AUTS2: variants seen among roughly 807,000 people sequenced by gnomAD.
AUTS2 encodes the protein activator of transcription and developmental regulator AUTS2, also known as autism susceptibility gene 2 protein.
A neutral mutation model predicts 112.4 loss-of-function variants in AUTS2; 17 were observed. The observed-to-expected ratio is 0.15, with a 90% CI of 0.10 to 0.23. The LOEUF (loss-of-function observed/expected upper bound fraction) is 0.23, where lower values mean the gene tolerates loss of function less well. Ranked by LOEUF, AUTS2 falls within the 10% of genes least tolerant of loss-of-function variation. The probability of loss-of-function intolerance (pLI) is 1.00; values close to 1 mark genes in which losing one functional copy is unlikely to be tolerated. For synonymous variants in AUTS2, 751 were observed against 702.7 expected (o/e 1.07, Z -1.09); for missense variants, 1,510 against 1,701.6 (o/e 0.89, Z 1.98).
chr7:70,512,890 TG>T (rs968652445), intron 5 of AUTS2, among the ~76,000 whole-genome samples: 1 of 149,388 alleles, frequency 6.7e-6, no homozygotes, highest in African/African-American at 2.5e-5. Context: ...GAGTGAAGTG[TG>T]GGGGGGCAGT....
At chr7:70,091,472 T>A (rs1584707841) in intron 2 of AUTS2, among the ~76,000 whole-genome samples, 1 of 151,978 alleles carries the variant, frequency 6.6e-6, no homozygotes, top group Non-Finnish European at 1.5e-5. Context: ...GTCCTATAAA[T>A]TTTTTTTAAT....
Position 70,341,146 on chromosome 7 carries a change from C to T in AUTS2, c.661-94606C>T, listed in dbSNP as rs527989259. Among the ~76,000 whole-genome samples the T allele has an allele frequency of 3.9e-5, 6 of 152,330 alleles. No homozygotes were observed. The East Asian group carries it at 1.2e-3, about 29-fold the overall frequency. Reference sequence around the variant, plus strand: ...TAGCTCTTCATTATTCTCATTCTGTCAGCTTCCCAATAAATGCTACAACCC... The same window carrying T: ...TAGCTCTTCATTATTCTCATTCTGTTAGCTTCCCAATAAATGCTACAACCC... On this transcript the variant is annotated intron_variant, in intron 4 of 18. Transcript: ENST00000342771.
chr7:69,794,427 G>A (rs1789749377), intron 1 of AUTS2, among the ~76,000 whole-genome samples: 2 of 152,170 alleles, frequency 1.3e-5, no homozygotes, highest in African/African-American at 2.4e-5. Context: ...AATACTGGGG[G>A]CAGATGTTTG....
intron 6 of AUTS2, among the ~76,000 whole-genome samples, chr7:70,712,944 C>A (rs1810141294): frequency 6.6e-6 from 1 of 152,194 alleles, no homozygotes; most frequent in African/African-American, 2.4e-5. Context: ...ATCAACTTCA[C>A]CTGATCTGTT....
chr7:70,724,590 C>T (rs757073398), intron 6 of AUTS2, among the ~76,000 whole-genome samples: 10 of 151,948 alleles, frequency 6.6e-5, no homozygotes, highest in Admixed American at 2.0e-4. Context: ...TGACTACAGG[C>T]GTCTACCACC....
At chr7:69,754,960 T>G (rs1787888564) in intron 1 of AUTS2, among the ~76,000 whole-genome samples, 2 of 152,218 alleles carry the variant, frequency 1.3e-5, no homozygotes, top group South Asian at 4.1e-4. Context: ...CCTCATGTAG[T>G]GATTTTGCAT....
chr7:69,860,023 C>T (rs1318753818), intron 1 of AUTS2, among the ~76,000 whole-genome samples: 1 of 152,014 alleles, frequency 6.6e-6, no homozygotes, highest in Non-Finnish European at 1.5e-5. Context: ...GGACATTATA[C>T]CTGCCTGACA....
At chr7:70,332,168 A>G (rs1269165554) in intron 4 of AUTS2, among the ~76,000 whole-genome samples, 1 of 152,200 alleles carries the variant, frequency 6.6e-6, no homozygotes, top group Non-Finnish European at 1.5e-5. Context: ...TACACCAATA[A>G]TAGACAAACA....
At chr7:69,719,073 C>T (rs1037129051) in intron 1 of AUTS2, among the ~76,000 whole-genome samples, 1 of 152,210 alleles carries the variant, frequency 6.6e-6, no homozygotes, top group African/African-American at 2.4e-5. Flanking sequence ...CATGAAATGG[C>T]CTGCCTTGGC....
intron 2 of AUTS2, among the ~76,000 whole-genome samples, chr7:70,093,778 A>G (rs1804043087): frequency 6.6e-6 from 1 of 152,234 alleles, no homozygotes; most frequent in Non-Finnish European, 1.5e-5. Context: ...AGCTGTTTAT[A>G]GAGTATGTCA....
At chr7:69,695,893 G>T (rs1797539819) in intron 1 of AUTS2, among the ~76,000 whole-genome samples, 1 of 151,984 alleles carries the variant, frequency 6.6e-6, no homozygotes, top group Non-Finnish European at 1.5e-5. Flanking sequence ...TCTGTATTAC[G>T]GGAGAACACA....
rs71077632 is a variant in AUTS2 at position 70,213,538 on chromosome 7, C to CAAA, written c.660+78981_660+78983dup. Among the ~76,000 whole-genome samples the CAAA allele has an allele frequency of 5.3e-3, 663 of 124,688 alleles. 8 individuals are homozygous for CAAA. Among genetic ancestry groups the CAAA allele is most frequent in the East Asian group, 0.039 (166 of 4,304 alleles). The allele number at this position is 124,688 out of a possible 152,430, so 81.8% of individuals were successfully genotyped here. A position where few individuals can be genotyped will look rare whatever the true frequency, so the allele number is the denominator to read the frequency against. Reference sequence around the variant, plus strand: ...GTGACAGAGCAGCAAGACCCTGTCTCAAAAAAAAAAAAAAAAGTTACTATT... The same window carrying CAAA: ...GTGACAGAGCAGCAAGACCCTGTCTCAAAAAAAAAAAAAAAAAAAGTTACTATT... On this transcript the variant is annotated intron_variant, in intron 4 of 18. Coordinates refer to ENST00000342771, the MANE Select transcript of AUTS2 (RefSeq NM_015570.4).
At chr7:70,024,634 T>C (rs2129555689) in intron 2 of AUTS2, among the ~76,000 whole-genome samples, 1 of 152,268 alleles carries the variant, frequency 6.6e-6, no homozygotes, top group Non-Finnish European at 1.5e-5. Context: ...ATAAAACCAA[T>C]AGGAGGAGTG....
chr7:70,329,205 C>A (rs541257308), intron 4 of AUTS2, among the ~76,000 whole-genome samples: 2 of 152,212 alleles, frequency 1.3e-5, no homozygotes, highest in African/African-American at 4.8e-5. Flanking sequence ...GCTGTTTATA[C>A]CTTTTGGCTA....
chr7:69,794,685 TA>T (rs1439794438), intron 1 of AUTS2, among the ~76,000 whole-genome samples: 2 of 152,116 alleles, frequency 1.3e-5, no homozygotes, highest in Non-Finnish European at 2.9e-5. Context: ...ACAGTACCAA[TA>T]AAGGTAAAGC....
chr7:69,973,037 AT>A (rs549173843), intron 2 of AUTS2, among the ~76,000 whole-genome samples: 40 of 150,404 alleles, frequency 2.7e-4, no homozygotes, highest in East Asian at 5.8e-4. Context: ...GGTTTTGGGA[AT>A]TTTTTTTTTA....
rs73445467 is a variant in AUTS2, at chr7:70,597,619, T to C, written c.691-100950T>C. On this transcript the variant is annotated intron_variant, in intron 5 of 18. Coordinates refer to ENST00000342771, the MANE Select transcript of AUTS2 (RefSeq NM_015570.4). ...TGGTGTATTGTTTCCTTTACTATTATGTTCTCAAGAAATTGTTCCCCTTGT... is the reference window on the plus strand; with the variant it reads ...TGGTGTATTGTTTCCTTTACTATTACGTTCTCAAGAAATTGTTCCCCTTGT... Among the ~76,000 whole-genome samples the C allele has an allele frequency of 8.1e-3, 1,230 of 152,356 alleles. 19 individuals carry two copies. Among genetic ancestry groups the C allele is most frequent in the African/African-American group, 0.028 (1,177 of 41,588 alleles).
rs368262675 is a variant in AUTS2 at position 70,630,015 on chromosome 7, T to A, written c.691-68554T>A. ...TAGGAATAGAGTGGATTGAAATGAA[T>A]TTCTGTTCATCTTTCCATTCCTGCC... is the stretch of plus-strand genomic sequence containing the variant. On this transcript the variant is annotated intron_variant, in intron 5 of 18. Coordinates refer to ENST00000342771, the MANE Select transcript of AUTS2 (RefSeq NM_015570.4). 7.5e-4 allele frequency among the ~76,000 whole-genome samples: 114 copies of A among 152,312 alleles called. No homozygotes were observed. In the South Asian group the frequency reaches 0.023, roughly 31 times the overall value.
At chr7:69,971,649 A>G (rs1303402252) in intron 2 of AUTS2, among the ~76,000 whole-genome samples, 1 of 152,168 alleles carries the variant, frequency 6.6e-6, no homozygotes, top group Non-Finnish European at 1.5e-5. Flanking sequence ...CTGATATGCA[A>G]TCACTTTTCT....
Sources: gnomAD v4.1 joint callset for allele counts (sites outside exome capture counted in the v4.1 genomes callset) on GRCh38, gnomAD v4.1.1 for gene constraint, MANE v1.5 for transcripts, NCBI Gene and HGNC (gene_info 2026-07-23, HGNC 2026-07-21) for gene names.